OR56A3: variants seen among roughly 807,000 people sequenced by gnomAD.
OR56A3 encodes the protein olfactory receptor family 56 subfamily A member 3, also known as olfactory receptor 56A3.
A neutral mutation model predicts 17.5 loss-of-function variants in OR56A3; 23 were observed. That is an observed-to-expected ratio of 1.32 (90% confidence interval 0.95 to 1.87). The LOEUF is 1.87. Ranked by LOEUF, OR56A3 falls within the 40% of genes most tolerant of loss-of-function variation. The pLI, the probability that OR56A3 is intolerant of heterozygous loss-of-function variation, is 0.00. For missense variants in OR56A3, 366 were observed against 380.1 expected (o/e 0.96, Z 0.31); for synonymous variants, 175 against 150.6 (o/e 1.16, Z -1.19).
chr11:5,947,499 G>C lies in OR56A3; in HGVS notation c.153G>C (p.Met51Ile). ...TAGGGGCCAACACCACCCTCCTGAT[G>C]ACCATCTGGCTGGAGGCCTCTCTGC... is the stretch of plus-strand genomic sequence containing the variant. ...LAVGANTTLL[M>I]TIWLEASLHQ... The change falls in exon 3 of 3, where the codon ATG becomes ATC. Residue 51 changes from methionine (M) to isoleucine (I), a missense_variant. Met to Ile is a conservative substitution (Grantham distance 10, BLOSUM62 1). Coordinates refer to ENST00000641160, the MANE Select transcript of OR56A3 (RefSeq NM_001003443.3). 6.2e-7 allele frequency: 1 copy of C among 1,613,850 alleles called. No individual in the cohort carries two copies. Among genetic ancestry groups the C allele is most frequent in the South Asian group, 1.1e-5 (1 of 91,048 alleles).
chr11:5,976,797 G>A, the OR56A3 span, among the ~76,000 whole-genome samples: 1 of 151,940 alleles, frequency 6.6e-6, no homozygotes, highest in Non-Finnish European at 1.5e-5. Context: ...TAGGGGTTTG[G>A]TGTACAGATT....
chr11:5,952,944 G>A (rs759921604), downstream of OR56A3, among the ~76,000 whole-genome samples: 1 of 152,134 alleles, frequency 6.6e-6, no homozygotes, highest in Admixed American at 6.5e-5. Flanking sequence ...TTAGGATAAT[G>A]GTCTCCAGTT....
chr11:6,003,469 G>A, the OR56A3 span, among the ~76,000 whole-genome samples: 1 of 152,086 alleles, frequency 6.6e-6, no homozygotes, highest in Non-Finnish European at 1.5e-5. Flanking sequence ...TTACAGGTGG[G>A]CCAAGCTTAT....
chr11:5,968,343 G>C, the OR56A3 span: 1 of 1,613,682 alleles, frequency 6.2e-7, no homozygotes, highest in South Asian at 1.1e-5. Flanking sequence ...CAGATAGATG[G>C]TGATCAGAAG....
the OR56A3 span, among the ~76,000 whole-genome samples, chr11:5,981,721 G>A: frequency 6.6e-6 from 1 of 152,158 alleles, no homozygotes; most frequent in Non-Finnish European, 1.5e-5. Flanking sequence ...TCTTTTGGAG[G>A]TAAGAAGATA....
chr11:5,955,612 TAC>T (rs545890979), downstream of OR56A3, among the ~76,000 whole-genome samples: 56 of 152,196 alleles, frequency 3.7e-4, no homozygotes, highest in Non-Finnish European at 8.1e-4. Flanking sequence ...TGCAGTTGTA[TAC>T]ATTGGCATGC....
chr11:5,948,211 G>A lies in OR56A3; in HGVS notation c.865G>A (p.Ala289Thr). ...LLNVLHHVIP[A>T]ALNPIIYGVR... Reference sequence around the variant, plus strand: ...CAATGTTCTCCACCATGTCATTCCTGCAGCCCTTAACCCCATCATTTACGG... The same window carrying A: ...CAATGTTCTCCACCATGTCATTCCTACAGCCCTTAACCCCATCATTTACGG... The change falls in exon 3 of 3, where the codon GCA becomes ACA. Residue 289 changes from alanine to threonine, a missense_variant. By Grantham distance (58) the Ala-to-Thr change is moderately conservative. Coordinates refer to ENST00000641160, the MANE Select transcript of OR56A3 (RefSeq NM_001003443.3). 6.2e-7 allele frequency: 1 copy of A among 1,614,216 alleles called. No homozygotes were observed. The highest frequency in any genetic ancestry group is 8.5e-7 in the Non-Finnish European group (1 of 1,180,038).
rs1847901896 is a variant in OR56A3, at chr11:5,950,578, A to T, written c.*2284A>T. ...AACTGTGCTGTGCAATATGAACCAC[A>T]TACTTAATTTTAAACTTTTTAGTAC... On this transcript the variant is annotated 3_prime_UTR_variant, in exon 3 of 3. Transcript: ENST00000641160. 6.6e-6 allele frequency: 1 copy of T among 150,530 alleles called. No individual in the cohort carries two copies. 9.3% of individuals were successfully genotyped at this position (150,530 alleles called of 1,614,324 possible). A position where few individuals can be genotyped will look rare whatever the true frequency, so the allele number is the denominator to read the frequency against.
the OR56A3 span, among the ~76,000 whole-genome samples, chr11:6,018,335 C>A: frequency 0.7 from 107,147 of 152,000 alleles, 38,035 homozygotes; most frequent in East Asian, 0.94. Context: ...TGTATTGGGC[C>A]ACAAAACAAA....
At chr11:5,977,453 T>A in the OR56A3 span, among the ~76,000 whole-genome samples, 4 of 152,158 alleles carry the variant, frequency 2.6e-5, no homozygotes, top group Non-Finnish European at 5.9e-5. Flanking sequence ...TTTCACTTCT[T>A]TAATGGTTAG....
chr11:5,957,984 G>A, the OR56A3 span, among the ~76,000 whole-genome samples: 1 of 152,102 alleles, frequency 6.6e-6, no homozygotes, highest in Non-Finnish European at 1.5e-5. Context: ...AAGTATTTTT[G>A]TGTGTTTCAA....
At chr11:5,973,119 A>G in the OR56A3 span, among the ~76,000 whole-genome samples, 5 of 152,192 alleles carry the variant, frequency 3.3e-5, no homozygotes, top group South Asian at 2.1e-4. Flanking sequence ...TATCTGTATG[A>G]ATTTTGACAG....
chr11:5,959,709 A>G, the OR56A3 span, among the ~76,000 whole-genome samples: 1 of 151,962 alleles, frequency 6.6e-6, no homozygotes, highest in African/African-American at 2.4e-5. Context: ...TTTGTTTTCT[A>G]TGCTTTTGAG....
At chr11:5,975,575 T>C in the OR56A3 span, among the ~76,000 whole-genome samples, 1 of 152,070 alleles carries the variant, frequency 6.6e-6, no homozygotes, top group South Asian at 2.1e-4. Context: ...CCATGGTGTA[T>C]ATGTGCCACA....
chr11:6,020,101 C>T, the OR56A3 span: 1 of 152,092 alleles, frequency 6.6e-6, no homozygotes, highest in African/African-American at 2.4e-5. Context: ...TCCTCCCCCA[C>T]CACATACTAA....
Position 5,948,559 on chromosome 11 carries a change from T to A in OR56A3, c.*265T>A. On this transcript the variant is annotated 3_prime_UTR_variant, in exon 3 of 3. Transcript: ENST00000641160. The stretch of plus-strand genomic sequence containing the variant: ...ACACTGACATTCCTTAAAGCAGATT[T>A]TAAAGTGAAAAATGTATGTTTCTGA... 1 of 404,154 alleles carries A rather than the reference T, an allele frequency of 2.5e-6. No individual in the cohort carries two copies. 25.0% of individuals were successfully genotyped at this position (404,154 alleles called of 1,614,324 possible). A position where few individuals can be genotyped will look rare whatever the true frequency, so the allele number is the denominator to read the frequency against.
the OR56A3 span, among the ~76,000 whole-genome samples, chr11:5,958,536 C>A: frequency 6.6e-6 from 1 of 152,048 alleles, no homozygotes; most frequent in Non-Finnish European, 1.5e-5. Context: ...TTTTCATGTA[C>A]AACAGGATGT....
the OR56A3 span, among the ~76,000 whole-genome samples, chr11:6,013,299 C>T: frequency 6.6e-6 from 1 of 152,214 alleles, no homozygotes; most frequent in African/African-American, 2.4e-5. Flanking sequence ...GGGGTGACAT[C>T]TCCACAAGCT....
At chr11:5,967,694 G>T in the OR56A3 span, 1 of 1,613,610 alleles carries the variant, frequency 6.2e-7, no homozygotes, top group Non-Finnish European at 8.5e-7. Context: ...TTCTCTTCCT[G>T]GCCAGGTTAG....
Sources: allele counts gnomAD v4.1 joint callset (sites outside exome capture counted in the v4.1 genomes callset), GRCh38; gene constraint gnomAD v4.1.1; transcripts MANE v1.5; gene names NCBI Gene and HGNC (gene_info 2026-07-23, HGNC 2026-07-21).